The following TENM3 variants were observed in gnomAD, a reference collection of about 807,000 sequenced individuals.
The protein encoded by TENM3 is teneurin transmembrane protein 3, also known as teneurin-3.
Under a neutral mutation model 255.1 loss-of-function variants are expected in TENM3, and 63 were observed. The observed-to-expected ratio is 0.25, with a 90% CI of 0.20 to 0.30. The LOEUF (loss-of-function observed/expected upper bound fraction) is 0.30, where lower values mean the gene tolerates loss of function less well. TENM3 is among the 10% of genes least tolerant of loss of function. The probability of loss-of-function intolerance (pLI) is 1.00; values close to 1 mark genes in which losing one functional copy is unlikely to be tolerated. For synonymous variants in TENM3, 1,306 were observed against 1,322.3 expected (o/e 0.99, Z 0.27); for missense variants, 2,929 against 3,461.1 (o/e 0.85, Z 3.86).
the TENM3 span, among the ~76,000 whole-genome samples, chr4:181,760,828 C>T: frequency 6.6e-6 from 1 of 152,004 alleles, no homozygotes; most frequent in Non-Finnish European, 1.5e-5. Flanking sequence ...TCCTTCCTCT[C>T]CTCTTCTCCC....
chr4:182,652,168 C>T (rs1451764632), intron 5 of TENM3, among the ~76,000 whole-genome samples: 1 of 152,142 alleles, frequency 6.6e-6, no homozygotes, highest in Non-Finnish European at 1.5e-5. Flanking sequence ...CTTATTGAGA[C>T]CTACTAGGTA....
rs116507017 is a variant in TENM3, at chr4:182,424,110, G to A, written c.511+77181G>A. 3.8e-3 allele frequency among the ~76,000 whole-genome samples: 571 copies of A among 152,088 alleles called. 5 individuals are homozygous for A. Among genetic ancestry groups the A allele is most frequent in the African/African-American group, 0.013 (549 of 41,530 alleles). On this transcript the variant is annotated intron_variant, in intron 3 of 27. Transcript: ENST00000511685. ...TCCCTATAGGTAAAAACCTAAGAAT[G>A]GTCATTCAATTCTACTTCACTTAGT...
chr4:182,324,706 C>T (rs552849517), intron 2 of TENM3, among the ~76,000 whole-genome samples: 1 of 152,328 alleles, frequency 6.6e-6, no homozygotes, highest in East Asian at 1.9e-4. Context: ...CCCAGATCAT[C>T]TCAGGACCCA....
the TENM3 span, among the ~76,000 whole-genome samples, chr4:181,636,236 G>A: frequency 6.6e-6 from 1 of 151,906 alleles, no homozygotes; most frequent in Non-Finnish European, 1.5e-5. Flanking sequence ...GTAGAGACAG[G>A]GTTTCACCAT....
chr4:181,506,596 G>C, the TENM3 span, among the ~76,000 whole-genome samples: 3 of 151,502 alleles, frequency 2.0e-5, no homozygotes, highest in African/African-American at 7.3e-5. Context: ...CTGATACAGC[G>C]GCCAGAAATG....
chr4:182,307,080 T>C (rs1006098975), intron 1 of TENM3, among the ~76,000 whole-genome samples: 14 of 152,172 alleles, frequency 9.2e-5, no homozygotes, highest in Non-Finnish European at 4.4e-5. Flanking sequence ...AATATGGAAA[T>C]CTTGATATGA....
intron 1 of TENM3, among the ~76,000 whole-genome samples, chr4:182,267,484 A>G (rs1759316143): frequency 1.3e-5 from 2 of 152,184 alleles, no homozygotes; most frequent in Non-Finnish European, 2.9e-5. Flanking sequence ...TAGGGAACCA[A>G]CCTCATACCT....
the TENM3 span, among the ~76,000 whole-genome samples, chr4:181,754,869 A>G: frequency 5.3e-5 from 8 of 152,204 alleles, no homozygotes; most frequent in Non-Finnish European, 1.2e-4. Flanking sequence ...TGCAACCCCC[A>G]GAATACGAAA....
the TENM3 span, among the ~76,000 whole-genome samples, chr4:181,899,813 G>A: frequency 5.3e-3 from 809 of 152,134 alleles, 5 homozygotes; most frequent in Middle Eastern, 0.034. Flanking sequence ...TGATCCTCCC[G>A]CCTCAGCCTC....
At chr4:182,147,844 C>T (rs142839575) in intron 1 of TENM3, among the ~76,000 whole-genome samples, 1 of 152,218 alleles carries the variant, frequency 6.6e-6, no homozygotes, top group Non-Finnish European at 1.5e-5. Context: ...GAAAATTGAA[C>T]ACATGCATTC....
chr4:181,594,330 G>C, the TENM3 span, among the ~76,000 whole-genome samples: 1 of 152,040 alleles, frequency 6.6e-6, no homozygotes, highest in Non-Finnish European at 1.5e-5. Flanking sequence ...GAGTTAAATA[G>C]CTAACACTTT....
the TENM3 span, among the ~76,000 whole-genome samples, chr4:181,907,085 C>T: frequency 6.6e-6 from 1 of 152,148 alleles, no homozygotes; most frequent in Non-Finnish European, 1.5e-5. Context: ...GGGGTTTCAC[C>T]ATGTTGGCCA....
chr4:182,633,797 G>A (rs544631221), intron 5 of TENM3, among the ~76,000 whole-genome samples: 1 of 152,186 alleles, frequency 6.6e-6, no homozygotes, highest in Non-Finnish European at 1.5e-5. Flanking sequence ...TCTCCCGTGA[G>A]GTTTTTTAAG....
rs372965020 is a variant in TENM3, at chr4:182,335,494, C to CAAAAAAAAAAA, written c.233-11142_233-11132dup. Among the ~76,000 whole-genome samples, 32 of 52,392 alleles carry CAAAAAAAAAAA rather than the reference C, an allele frequency of 6.1e-4. 1 individual carries two copies. The highest frequency in any genetic ancestry group is 2.1e-3 in the African/African-American group (31 of 14,582). 34.4% of individuals were successfully genotyped at this position (52,392 alleles called of 152,430 possible). A position where few individuals can be genotyped will look rare whatever the true frequency, so the allele number is the denominator to read the frequency against. On this transcript the variant is annotated intron_variant, in intron 2 of 27. Coordinates refer to ENST00000511685, the MANE Select transcript of TENM3 (RefSeq NM_001080477.4). Reference sequence around the variant, plus strand: ...TGGGCGACAGAGCGAGACTCCGCCTCAAAAAAAAAAAAAAAAAAAAAAAAA... The same window carrying CAAAAAAAAAAA: ...TGGGCGACAGAGCGAGACTCCGCCTCAAAAAAAAAAAAAAAAAAAAAAAAAAAAAAAAAAAA...
chr4:181,766,981 A>ATG, the TENM3 span, among the ~76,000 whole-genome samples: 2 of 151,202 alleles, frequency 1.3e-5, no homozygotes, highest in East Asian at 2.0e-4. Context: ...GGCCGGGCGC[A>ATG]GTGGCTCACG....
chr4:182,544,908 A>G (rs1433121350), intron 3 of TENM3, among the ~76,000 whole-genome samples: 1 of 152,202 alleles, frequency 6.6e-6, no homozygotes, highest in Non-Finnish European at 1.5e-5. Flanking sequence ...TCCTGGCATC[A>G]ATTTTCTTAC....
At chr4:181,605,724 G>T in the TENM3 span, among the ~76,000 whole-genome samples, 345 of 152,240 alleles carry the variant, frequency 2.3e-3, no homozygotes, top group African/African-American at 7.7e-3. Context: ...AAAAGTACTA[G>T]AATAGAATCA....
At chr4:182,431,698 G>A (rs1042450007) in intron 3 of TENM3, among the ~76,000 whole-genome samples, 9 of 152,158 alleles carry the variant, frequency 5.9e-5, no homozygotes, top group Non-Finnish European at 8.8e-5. Flanking sequence ...GTGGCAGGTG[G>A]CATTTGACTT....
At chr4:181,631,708 C>T in the TENM3 span, among the ~76,000 whole-genome samples, 1 of 152,132 alleles carries the variant, frequency 6.6e-6, no homozygotes, top group East Asian at 1.9e-4. Flanking sequence ...GTGAATCCCT[C>T]CACCTTTGCT....
Sources: gnomAD v4.1 joint callset for allele counts (sites outside exome capture counted in the v4.1 genomes callset) on GRCh38, gnomAD v4.1.1 for gene constraint, MANE v1.5 for transcripts, NCBI Gene and HGNC (gene_info 2026-07-23, HGNC 2026-07-21) for gene names.